Variants in PEMT observed in about 807,000 individuals in gnomAD.
PEMT encodes phospholipid methyltransferase.
Under a neutral mutation model 27.4 loss-of-function variants are expected in PEMT, and 23 were observed. The observed-to-expected ratio is 0.84, with a 90% CI of 0.60 to 1.19. PEMT has a LOEUF of 1.19. Among genes scored for constraint, PEMT ranks in the 50% most tolerant of loss-of-function variants. PEMT has a pLI of 0.00. For missense variants in PEMT, 307 were observed against 310.1 expected, an observed-to-expected ratio of 0.99 and a Z score of 0.07; for synonymous variants, 137 against 139.1, an observed-to-expected ratio of 0.98 and a Z score of 0.11.
At chr17:17,521,954 T>C (rs767160362) in intron 3 of PEMT, among the ~76,000 whole-genome samples, 9 of 152,160 alleles carry the variant, frequency 5.9e-5, no homozygotes, top group Non-Finnish European at 1.3e-4. Context: ...AGCATCCACC[T>C]TCTGACTGGA....
intron 3 of PEMT, among the ~76,000 whole-genome samples, chr17:17,517,231 A>T (rs549830048): frequency 1.3e-5 from 2 of 152,324 alleles, no homozygotes; most frequent in East Asian, 1.9e-4. Context: ...CCTCCTGGAC[A>T]CAGAAACTGT....
intron 1 of PEMT, chr17:17,577,608 G>C: frequency 1.5e-6 from 1 of 681,760 alleles, no homozygotes; most frequent in Non-Finnish European, 1.8e-6. Context: ...CCATCATCTT[G>C]CATGAAAACG....
chr17:17,524,223 T>C (rs1224557879), intron 2 of PEMT, among the ~76,000 whole-genome samples: 1 of 152,188 alleles, frequency 6.6e-6, no homozygotes, highest in Non-Finnish European at 1.5e-5. Flanking sequence ...CCAAGCAACA[T>C]ACGGGCGCTT....
At chr17:17,572,781 A>C (rs568008739) in intron 2 of PEMT, among the ~76,000 whole-genome samples, 1 of 152,386 alleles carries the variant, frequency 6.6e-6, no homozygotes, top group African/African-American at 2.4e-5. Flanking sequence ...CAAAGGGGAT[A>C]TTAACAGCAT....
At chr17:17,543,067 C>G (rs1909001084) in intron 2 of PEMT, among the ~76,000 whole-genome samples, 2 of 152,210 alleles carry the variant, frequency 1.3e-5, no homozygotes, top group Non-Finnish European at 2.9e-5. Context: ...AGCAGCACCA[C>G]CGGGGAAGCA....
intron 2 of PEMT, among the ~76,000 whole-genome samples, chr17:17,564,643 T>C (rs1286789819): frequency 3.9e-5 from 6 of 152,126 alleles, no homozygotes; most frequent in Non-Finnish European, 7.4e-5. Flanking sequence ...CTAAGTCCCA[T>C]GAGCAGCCCG....
chr17:17,547,654 T>TTCCTCCTCCTCCTCCTCC (rs554459182), intron 2 of PEMT, among the ~76,000 whole-genome samples: 8 of 151,480 alleles, frequency 5.3e-5, no homozygotes, highest in African/African-American at 1.7e-4. Flanking sequence ...CTCCCTCCTC[T>TTCCTCCTCCTCCTCCTCC]TCCTCCTCCT....
chr17:17,508,635 A>C (rs1906091392), intron 5 of PEMT: 4 of 329,764 alleles, frequency 1.2e-5, no homozygotes, highest in South Asian at 8.9e-5. Context: ...AAATGGCTAA[A>C]CTAGAACTGC....
chr17:17,555,221 C>T lies in PEMT; in HGVS notation c.204+21699G>A, dbSNP rs537680241. On this transcript the variant is annotated intron_variant, in intron 2 of 6. Coordinates refer to ENST00000255389, the MANE Select transcript of PEMT (RefSeq NM_148172.3). ...GGAAGCCATGGAGCTCTGCAGAGCA[C>T]TGTACCCACCCCCAAGAAGAAGGGC... Among the ~76,000 whole-genome samples, 4 of 152,240 alleles carry T rather than the reference C, an allele frequency of 2.6e-5. No homozygotes were observed. The East Asian group carries it at 5.8e-4, about 22-fold the overall frequency.
intron 2 of PEMT, chr17:17,570,732 G>C (rs1019124289): frequency 6.1e-6 from 6 of 985,460 alleles, no homozygotes; most frequent in Non-Finnish European, 7.2e-6. Context: ...GAAAACCTGG[G>C]GACCTCTGAG....
chr17:17,511,711 C>A, intron 4 of PEMT, among the ~76,000 whole-genome samples: 1 of 152,216 alleles, frequency 6.6e-6, no homozygotes, highest in East Asian at 1.9e-4. Context: ...TGGACCAACT[C>A]CCTGCTCACT....
rs1358315423 is a variant in PEMT at position 17,582,622 on chromosome 17, C to T, written c.97-5595G>A. Among the ~76,000 whole-genome samples the T allele has an allele frequency of 2.0e-5, 3 of 152,248 alleles. No homozygotes were observed. The highest frequency in any genetic ancestry group is 4.4e-5 in the Non-Finnish European group (3 of 68,046). On this transcript the variant is annotated intron_variant, in intron 1 of 6. Coordinates refer to ENST00000255389, the MANE Select transcript of PEMT (RefSeq NM_148172.3). The surrounding 1 kb of genome is among the most constrained non-coding windows in gnomAD (Gnocchi z 4.9). ...ACCCCTGCAGAATCTGCCTGCAGCG[C>T]TGCAGCCCCCACTGCCCCCAGAGCT...
At chr17:17,514,896 G>A (rs776322311) in intron 3 of PEMT, among the ~76,000 whole-genome samples, 2 of 152,368 alleles carry the variant, frequency 1.3e-5, no homozygotes, top group South Asian at 2.1e-4. Context: ...GGTTGGGAGG[G>A]GCGAACAGGG....
At chr17:17,527,179 A>C (rs1260323079) in intron 2 of PEMT, among the ~76,000 whole-genome samples, 2 of 152,116 alleles carry the variant, frequency 1.3e-5, no homozygotes. Flanking sequence ...CTGGGATTAC[A>C]CGCATGCGCC....
In PEMT at chr17:17,555,792, G is replaced by A. The variant is rs373156729; in HGVS notation, c.204+21128C>T. On this transcript the variant is annotated intron_variant, in intron 2 of 6. Coordinates refer to ENST00000255389, the MANE Select transcript of PEMT (RefSeq NM_148172.3). ...AAGCAAATGCTCGCCCTCTGGGGCG[G>A]AAGCCACCTGTTTTTCTGCCTCCCA... Among the ~76,000 whole-genome samples, 33 of 152,316 alleles carry A rather than the reference G, an allele frequency of 2.2e-4. No homozygotes were observed. The East Asian group carries it at 4.8e-3, about 22-fold the overall frequency.
At chr17:17,532,716 T>A (rs888491547) in intron 2 of PEMT, among the ~76,000 whole-genome samples, 3 of 152,090 alleles carry the variant, frequency 2.0e-5, no homozygotes, top group African/African-American at 7.2e-5. Flanking sequence ...AATCTTTTTT[T>A]AAAAAAAGAC....
chr17:17,540,195 A>G (rs1250703629), intron 2 of PEMT, among the ~76,000 whole-genome samples: 1 of 152,128 alleles, frequency 6.6e-6, no homozygotes, highest in Non-Finnish European at 1.5e-5. Context: ...CTCATGGAGG[A>G]AGGAAGAAGA....
rs781325863 is a variant in PEMT, at chr17:17,576,949, T to C, written c.175A>G (p.Ile59Val). ...TTCCAGTAGAGCGGATTGAAGGTGA[T>C]GGTGATGACGGCAGCCACAAAGCTG... ...DPSFVAAVIT[I>V]TFNPLYWNVV... The change falls in exon 2 of 7, where the codon ATC becomes GTC. Residue 59 changes from isoleucine (I) to valine (V), a missense_variant. Transcript: ENST00000255389. The C allele has an allele frequency of 6.2e-7, 1 of 1,613,828 alleles. No individual in the cohort carries two copies. The highest frequency in any genetic ancestry group is 8.5e-7 in the Non-Finnish European group (1 of 1,179,904).
chr17:17,560,131 C>T (rs1183009747), intron 2 of PEMT, among the ~76,000 whole-genome samples: 1 of 152,240 alleles, frequency 6.6e-6, no homozygotes, highest in Non-Finnish European at 1.5e-5. Context: ...GTACACTGTG[C>T]ACTCCTTGAC....
Sources: gnomAD v4.1 joint callset for allele counts (sites outside exome capture counted in the v4.1 genomes callset) on GRCh38, gnomAD v4.1.1 for gene constraint, Gnocchi (gnomAD v3.1) non-coding constraint, MANE v1.5 for transcripts, NCBI Gene and HGNC (gene_info 2026-07-23, HGNC 2026-07-21) for gene names.